TRAPPC9: variants seen among roughly 807,000 people sequenced by gnomAD.
The protein encoded by TRAPPC9 is IKK2 binding protein.
A neutral mutation model predicts 124.0 loss-of-function variants in TRAPPC9; 83 were observed. The ratio of observed to expected loss-of-function variants is 0.67; its 90% confidence interval spans 0.56 to 0.80. The LOEUF is 0.80. TRAPPC9 is among the 30% of genes least tolerant of loss of function. The pLI, the probability that TRAPPC9 is intolerant of heterozygous loss-of-function variation, is 0.00. For synonymous variants in TRAPPC9, 638 were observed against 617.5 expected (o/e 1.03, Z -0.49); for missense variants, 1,302 against 1,508.3 (o/e 0.86, Z 2.27).
chr8:140,134,992 A>C (rs1386664429), intron 17 of TRAPPC9, among the ~76,000 whole-genome samples: 1 of 152,262 alleles, frequency 6.6e-6, no homozygotes, highest in African/African-American at 2.4e-5. Flanking sequence ...ACCCATATTA[A>C]AAATGGGCAA....
intron 6 of TRAPPC9, 71 bp downstream of exon 6, chr8:140,405,506 A>G (rs1212684855): frequency 6.5e-7 from 1 of 1,536,824 alleles, no homozygotes; most frequent in East Asian, 2.3e-5. Context: ...GCAGCATTAC[A>G]CAATGTAAAA....
chr8:140,123,129 C>T (rs980866654), intron 17 of TRAPPC9, among the ~76,000 whole-genome samples: 1 of 152,130 alleles, frequency 6.6e-6, no homozygotes, highest in African/African-American at 2.4e-5. Context: ...ATCTGATCCT[C>T]TTCCAGGCTT....
chr8:139,997,121 G>C (rs1021202748), intron 18 of TRAPPC9, among the ~76,000 whole-genome samples: 1 of 152,176 alleles, frequency 6.6e-6, no homozygotes, highest in Non-Finnish European at 1.5e-5. Flanking sequence ...AAGCCATCTG[G>C]AAAGCTGCCA....
At chr8:139,902,822 C>T (rs944009600) in intron 20 of TRAPPC9, among the ~76,000 whole-genome samples, 2 of 152,096 alleles carry the variant, frequency 1.3e-5, no homozygotes, top group African/African-American at 4.8e-5. Context: ...GATAGCTCAG[C>T]GGAAGGCAAC....
In TRAPPC9 at chr8:139,759,037, T is replaced by C. The variant is rs188905866; in HGVS notation, c.3056-26835A>G. On this transcript the variant is annotated intron_variant, in intron 21 of 22. Coordinates refer to ENST00000438773, the MANE Select transcript of TRAPPC9 (RefSeq NM_001160372.4). ...GTTCTCTTTCTGGTCCGCCTCAGCA[T>C]GCGCAGTGGTAGAGGTGTTGATGGC... 5.8e-3 allele frequency among the ~76,000 whole-genome samples: 878 copies of C among 152,324 alleles called. 4 individuals carry two copies. The highest frequency in any genetic ancestry group is 0.014 in the Middle Eastern group (4 of 294).
At chr8:139,996,935 C>T (rs976045400) in intron 18 of TRAPPC9, among the ~76,000 whole-genome samples, 10 of 152,212 alleles carry the variant, frequency 6.6e-5, no homozygotes, top group South Asian at 2.1e-4. Flanking sequence ...TTAGTAGACA[C>T]GGGATTTTGC....
At chr8:140,301,275 A>G (rs929799237) in intron 10 of TRAPPC9, among the ~76,000 whole-genome samples, 1 of 152,200 alleles carries the variant, frequency 6.6e-6, no homozygotes, top group African/African-American at 2.4e-5. Context: ...ATCTGTACTC[A>G]TGCTCGAATT....
rs2061476653 is a variant in TRAPPC9, at chr8:140,147,245, C to T, written c.2556+74214G>A. On this transcript the variant is annotated intron_variant, in intron 17 of 22. Coordinates refer to ENST00000438773, the MANE Select transcript of TRAPPC9 (RefSeq NM_001160372.4). ...ACCAATGCAGGAAATCCAGGAAAGCCTAAGTGCTGCCATTGGCAAGAACCT... is the reference window on the plus strand; with the variant it reads ...ACCAATGCAGGAAATCCAGGAAAGCTTAAGTGCTGCCATTGGCAAGAACCT... 2.6e-5 allele frequency among the ~76,000 whole-genome samples: 4 copies of T among 152,236 alleles called. No individual in the cohort carries two copies. The South Asian group carries it at 8.3e-4, about 31-fold the overall frequency.
Position 139,925,182 on chromosome 8 carries a change from C to G in TRAPPC9, c.2811-14882G>C, listed in dbSNP as rs374837131. ...GCTCGCCCACGGGGTGGCGGCGCCT[C>G]CCACTTTTCCCTCGACCTTTCCTCC... On this transcript the variant is annotated intron_variant, in intron 19 of 22. Coordinates refer to ENST00000438773, the MANE Select transcript of TRAPPC9 (RefSeq NM_001160372.4). Among the ~76,000 whole-genome samples the G allele has an allele frequency of 1.9e-4, 29 of 152,344 alleles. No individual in the cohort carries two copies. In the South Asian group the frequency reaches 5.8e-3, roughly 30 times the overall value.
chr8:139,880,778 T>C (rs1014472332), intron 21 of TRAPPC9, among the ~76,000 whole-genome samples: 3 of 152,206 alleles, frequency 2.0e-5, no homozygotes, highest in Admixed American at 2.0e-4. Flanking sequence ...CAAGATATGA[T>C]AATAGTGAGA....
intron 17 of TRAPPC9, among the ~76,000 whole-genome samples, chr8:140,131,246 C>CT (rs2061203780): frequency 1.3e-5 from 2 of 152,128 alleles, no homozygotes; most frequent in Non-Finnish European, 2.9e-5. Flanking sequence ...AGTGGAATCA[C>CT]TGGGTAATAG....
intron 17 of TRAPPC9, among the ~76,000 whole-genome samples, chr8:140,215,130 A>G (rs551137278): frequency 6.6e-6 from 1 of 152,114 alleles, no homozygotes; most frequent in Admixed American, 6.5e-5. Context: ...AACCTCGACA[A>G]CCAGAAAATG....
intron 18 of TRAPPC9, among the ~76,000 whole-genome samples, chr8:140,023,709 G>C (rs759208142): frequency 5.9e-5 from 9 of 152,228 alleles, no homozygotes; most frequent in Non-Finnish European, 1.3e-4. Context: ...TATGATTACA[G>C]CACGGCGTGA....
chr8:139,904,886 C>A (rs755608290), intron 20 of TRAPPC9: 2 of 152,222 alleles, frequency 1.3e-5, no homozygotes, highest in Admixed American at 1.3e-4. Flanking sequence ...AGGCTCCAGT[C>A]CTCAACAATG....
chr8:140,337,870 G>A (rs995461185), intron 9 of TRAPPC9, among the ~76,000 whole-genome samples: 1 of 151,818 alleles, frequency 6.6e-6, no homozygotes, highest in Admixed American at 6.6e-5. Flanking sequence ...CGGGCACCCT[G>A]TTGCCTGGTG....
chr8:140,292,371 G>C (rs1215620614), intron 11 of TRAPPC9, among the ~76,000 whole-genome samples: 2 of 152,202 alleles, frequency 1.3e-5, no homozygotes, highest in Admixed American at 1.3e-4. Context: ...GAGAGGAGCT[G>C]CTGGATTCAG....
At chr8:140,286,632 T>C (rs2065490937) in intron 13 of TRAPPC9, among the ~76,000 whole-genome samples, 1 of 151,192 alleles carries the variant, frequency 6.6e-6, no homozygotes, top group Admixed American at 6.6e-5. Flanking sequence ...TTAGGGCAAA[T>C]GGCTGATGGG....
At chr8:140,270,947 G>C (rs899771850) in intron 15 of TRAPPC9, among the ~76,000 whole-genome samples, 1 of 152,236 alleles carries the variant, frequency 6.6e-6, no homozygotes, top group East Asian at 1.9e-4. Context: ...AGCAGGTGAA[G>C]ACTTTTGCTT....
Position 139,854,163 on chromosome 8 carries a change from T to C in TRAPPC9, c.3055+31716A>G, listed in dbSNP as rs565504959. On this transcript the variant is annotated intron_variant, in intron 21 of 22. Transcript: ENST00000438773. ...CTGATTATCGGACCCTGGGAGGGAT[T>C]TGCGAGGCTTTCTGGGTTCAGAAAC... 1.3e-4 allele frequency among the ~76,000 whole-genome samples: 20 copies of C among 152,240 alleles called. No homozygotes were observed. In the South Asian group the frequency reaches 3.9e-3, roughly 30 times the overall value.
Sources: gnomAD v4.1 joint callset for allele counts (sites outside exome capture counted in the v4.1 genomes callset) on GRCh38, gnomAD v4.1.1 for gene constraint, MANE v1.5 for transcripts, NCBI Gene and HGNC (gene_info 2026-07-23, HGNC 2026-07-21) for gene names.